Variants in GALNT2 observed in about 807,000 individuals in gnomAD.
The protein encoded by GALNT2 is polypeptide N-acetylgalactosaminyltransferase 2.
Under a neutral mutation model 81.4 loss-of-function variants are expected in GALNT2, and 31 were observed. That is an observed-to-expected ratio of 0.38 (90% CI 0.29 to 0.51). GALNT2 has a LOEUF of 0.51. GALNT2 is among the 20% of genes least tolerant of loss of function. GALNT2 has a pLI of 0.87. For synonymous variants in GALNT2, 303 were observed against 287.4 expected (o/e 1.05, Z -0.55); for missense variants, 629 against 765.7 (o/e 0.82, Z 2.11).
intron 1 of GALNT2, among the ~76,000 whole-genome samples, chr1:230,160,533 GAAACC>G (rs1435580952): frequency 1.3e-5 from 2 of 152,108 alleles, no homozygotes; most frequent in Non-Finnish European, 2.9e-5. Flanking sequence ...CCAACATGGT[GAAACC>G]CCGTCTCTAC....
chr1:230,171,959 C>T (rs1173510918), intron 1 of GALNT2, among the ~76,000 whole-genome samples: 1 of 152,000 alleles, frequency 6.6e-6, no homozygotes. Context: ...CTGGGTGCAG[C>T]AGTCTCTGCC....
chr1:230,271,300 CTG>C lies in GALNT2; in HGVS notation c.1441-3142_1441-3141del, dbSNP rs1344931173. ...CTCTACACTCCACACCTTCCATACT[CTG>C]TGACCCAGTGAATAGGAAAAAAGCT... On this transcript the variant is annotated intron_variant, in intron 14 of 15. Transcript: ENST00000366672. The surrounding 1 kb of genome is among the most constrained non-coding windows in gnomAD (Gnocchi z 4.2). Among the ~76,000 whole-genome samples, 1 of 152,242 alleles carries C rather than the reference CTG, an allele frequency of 6.6e-6. No homozygotes were observed. The highest frequency in any genetic ancestry group is 1.5e-5 in the Non-Finnish European group (1 of 68,044).
intron 1 of GALNT2, among the ~76,000 whole-genome samples, chr1:230,165,497 A>G (rs538115585): frequency 6.6e-6 from 1 of 152,318 alleles, no homozygotes; most frequent in African/African-American, 2.4e-5. Flanking sequence ...CAGAAGTGAG[A>G]TTTCTTGGCT....
chr1:230,063,289 C>T (rs934224190), upstream of GALNT2, among the ~76,000 whole-genome samples: 3 of 146,298 alleles, frequency 2.1e-5, no homozygotes, highest in Non-Finnish European at 4.5e-5. Flanking sequence ...TTAGCCTCGG[C>T]GACAGAGCAA....
chr1:230,202,236 C>T (rs1312619185), intron 2 of GALNT2, among the ~76,000 whole-genome samples: 2 of 152,216 alleles, frequency 1.3e-5, no homozygotes, highest in Non-Finnish European at 1.5e-5. Context: ...TCTGCCTCTC[C>T]TTCCACCTGT....
intron 1 of GALNT2, among the ~76,000 whole-genome samples, chr1:230,167,676 C>T (rs572599981): frequency 7.2e-5 from 11 of 152,166 alleles, no homozygotes; most frequent in South Asian, 2.1e-4. Flanking sequence ...AGGGAACTGC[C>T]GAGCGTGGAG....
At chr1:230,163,747 A>G (rs908230450) in intron 1 of GALNT2, among the ~76,000 whole-genome samples, 1 of 152,218 alleles carries the variant, frequency 6.6e-6, no homozygotes, top group South Asian at 2.1e-4. Context: ...GATCTTGGTA[A>G]AATTACTGTT....
chr1:230,190,095 A>G (rs904085980), intron 2 of GALNT2, among the ~76,000 whole-genome samples: 11 of 152,264 alleles, frequency 7.2e-5, no homozygotes, highest in African/African-American at 2.7e-4. Context: ...TGATCTGCAC[A>G]GTGTTGTCAT....
At chr1:230,225,955 T>C (rs1664696567) in intron 3 of GALNT2, among the ~76,000 whole-genome samples, 1 of 152,228 alleles carries the variant, frequency 6.6e-6, no homozygotes, top group Admixed American at 6.5e-5. Flanking sequence ...CTAGGCATGT[T>C]CATTTTCATA....
chr1:230,275,226 T>C lies in GALNT2; in HGVS notation c.1560+662T>C, dbSNP rs1405243994. On this transcript the variant is annotated intron_variant, in intron 15 of 15. Transcript: ENST00000366672. The surrounding 1 kb of genome is among the most constrained non-coding windows in gnomAD (Gnocchi z 5.5). ...TATATATACATATGCATGCCACATA[T>C]ATGCATATGTAAACACCGCATATAT... 2.0e-5 allele frequency among the ~76,000 whole-genome samples: 3 copies of C among 151,340 alleles called. No individual in the cohort carries two copies. In the East Asian group the frequency reaches 5.8e-4, roughly 29 times the overall value.
intron 1 of GALNT2, among the ~76,000 whole-genome samples, chr1:230,068,738 T>A (rs924210816): frequency 1.3e-5 from 2 of 152,232 alleles, no homozygotes; most frequent in African/African-American, 4.8e-5. Flanking sequence ...ATTACGTGGA[T>A]TTGTTTTATC....
chr1:230,080,491 A>G (rs1369812193), intron 1 of GALNT2, among the ~76,000 whole-genome samples: 1 of 152,166 alleles, frequency 6.6e-6, no homozygotes, highest in African/African-American at 2.4e-5. Context: ...TAGCATCAGC[A>G]GGTTGCCAGG....
chr1:230,185,395 A>C (rs1004598674), intron 2 of GALNT2, among the ~76,000 whole-genome samples: 1 of 152,008 alleles, frequency 6.6e-6, no homozygotes, highest in South Asian at 2.1e-4. Context: ...GAACCCTGGT[A>C]AACAGGCCTT....
At chr1:230,103,650 A>G (rs993222001) in intron 1 of GALNT2, among the ~76,000 whole-genome samples, 2 of 152,130 alleles carry the variant, frequency 1.3e-5, no homozygotes, top group Admixed American at 1.3e-4. Flanking sequence ...CTGTGGTTCT[A>G]AGGAGACAAG....
In GALNT2 at chr1:230,186,109, A is replaced by G. The variant is rs57008518; in HGVS notation, c.220+7798A>G. On this transcript the variant is annotated intron_variant, in intron 2 of 15. Transcript: ENST00000366672. Reference sequence around the variant, plus strand: ...GAATAACGACTTTCAAGCTCCTTACATGCCTATTGGGAACTGGACGTCCGT... The same window carrying G: ...GAATAACGACTTTCAAGCTCCTTACGTGCCTATTGGGAACTGGACGTCCGT... Among the ~76,000 whole-genome samples the G allele has an allele frequency of 1.7e-3, 257 of 152,324 alleles. 3 individuals are homozygous for G. The highest frequency in any genetic ancestry group is 6.0e-3 in the African/African-American group (248 of 41,560).
At chr1:230,234,072 T>G (rs529389655) in intron 3 of GALNT2, among the ~76,000 whole-genome samples, 1 of 152,268 alleles carries the variant, frequency 6.6e-6, no homozygotes, top group East Asian at 1.9e-4. Flanking sequence ...TTTAGAAGAA[T>G]AATTGAAAGA....
At chr1:230,268,437 T>C (rs904634962) in intron 14 of GALNT2, 14 of 152,214 alleles carry the variant, frequency 9.2e-5, no homozygotes, top group Non-Finnish European at 5.9e-5. Flanking sequence ...CACTCTGCAG[T>C]GTTCTGATGA....
chr1:230,224,022 C>T (rs980184873), intron 3 of GALNT2, among the ~76,000 whole-genome samples: 2 of 152,176 alleles, frequency 1.3e-5, no homozygotes, highest in African/African-American at 4.8e-5. Flanking sequence ...AAAGGATTCA[C>T]CACTTTGAGA....
chr1:230,059,624 A>G (rs1027934045), intron 1 of GALNT2, among the ~76,000 whole-genome samples: 2 of 152,168 alleles, frequency 1.3e-5, no homozygotes, highest in Non-Finnish European at 2.9e-5. Flanking sequence ...TCTGCCTTTT[A>G]TCTAATCAGC....
Sources: gnomAD v4.1 joint callset for allele counts (sites outside exome capture counted in the v4.1 genomes callset) on GRCh38, gnomAD v4.1.1 for gene constraint, Gnocchi (gnomAD v3.1) non-coding constraint, MANE v1.5 for transcripts, NCBI Gene and HGNC (gene_info 2026-07-23, HGNC 2026-07-21) for gene names.